Variants in ABAT observed in about 807,000 individuals in gnomAD.
ABAT encodes 4-aminobutyrate aminotransferase.
A neutral mutation model predicts 64.6 loss-of-function variants in ABAT; 45 were observed. The observed-to-expected ratio is 0.70, with a 90% CI of 0.55 to 0.89. ABAT has a LOEUF of 0.89. Ranked by LOEUF, ABAT falls within the 40% of genes least tolerant of loss-of-function variation. ABAT has a pLI of 0.00. For synonymous variants in ABAT, 297 were observed against 250.5 expected, an observed-to-expected ratio of 1.19 and a Z score of -1.75; for missense variants, 633 against 658.4, an observed-to-expected ratio of 0.96 and a Z score of 0.42.
In ABAT at chr16:8,783,301, C is replaced by G. The variant is rs1451455264; in HGVS notation, c.*1871C>G. ...AAAACATTGTCCCTGCCCCCGGGGG[C>G]TCACATGCCACTGGAAACAACAGAC... On this transcript the variant is annotated 3_prime_UTR_variant, in exon 16 of 16. Coordinates refer to ENST00000268251, the MANE Select transcript of ABAT (RefSeq NM_020686.6). 2 of 152,122 alleles carry G rather than the reference C, an allele frequency of 1.3e-5. No individual in the cohort carries two copies. The highest frequency in any genetic ancestry group is 2.9e-5 in the Non-Finnish European group (2 of 68,044). 9.4% of individuals were successfully genotyped at this position (152,122 alleles called of 1,614,324 possible).
intron 5 of ABAT, among the ~76,000 whole-genome samples, chr16:8,753,920 C>G (rs899626122): frequency 3.3e-5 from 5 of 152,088 alleles, no homozygotes; most frequent in Admixed American, 2.6e-4. Flanking sequence ...GTCTTTAATA[C>G]CTGTCTCCAC....
intron 1 of ABAT, among the ~76,000 whole-genome samples, chr16:8,696,040 G>A (rs1443626703): frequency 6.6e-6 from 1 of 152,208 alleles, no homozygotes; most frequent in East Asian, 1.9e-4. Context: ...AAGGCAAGGA[G>A]CTTTCTTAGT....
At chr16:8,753,708 G>GTAAGGTGTACTTTTCAGTCTTGGGGCC (rs2059558034) in intron 5 of ABAT, among the ~76,000 whole-genome samples, 3 of 152,188 alleles carry the variant, frequency 2.0e-5, no homozygotes, top group Admixed American at 6.5e-5. Context: ...CCTTTCTTGA[G>GTAAGGTGTACTTTTCAGTCTTGGGGCC]TAAGGTGTAC....
intron 1 of ABAT, among the ~76,000 whole-genome samples, chr16:8,731,945 C>T (rs1042587982): frequency 1.3e-5 from 2 of 152,074 alleles, no homozygotes; most frequent in African/African-American, 4.8e-5. Flanking sequence ...CCTCTGCCTC[C>T]CGAGTTGAAG....
chr16:8,771,328 C>G (rs76014721), intron 11 of ABAT, among the ~76,000 whole-genome samples: 14,580 of 151,546 alleles, frequency 0.096, 1,185 homozygotes, highest in African/African-American at 0.22. Flanking sequence ...AGAAAAGTAT[C>G]TCAGAGCTTC....
At position 8,781,205 on chromosome 16, in the gene ABAT, GGA is replaced by G; in HGVS notation, c.1382-103_1382-102del. 6.4e-7 allele frequency: 1 copy of G among 1,555,896 alleles called. No individual in the cohort carries two copies. The highest frequency in any genetic ancestry group is 8.8e-7 in the Non-Finnish European group (1 of 1,130,196). ...GATGGAGGATGATGGATGGATGGAT[GGA>G]TGGATGGATGAGCGTTGCCAACAGG... On this transcript the variant is annotated intron_variant, in intron 15 of 15. Coordinates refer to ENST00000268251, the MANE Select transcript of ABAT (RefSeq NM_020686.6). This position sits in a 1 kb window ranked among gnomAD's most constrained non-coding sequence, Gnocchi z 4.5.
intron 4 of ABAT, 125 bp from the exon 5 acceptor site, chr16:8,750,274 AAGAAATACATTGCTGGCACCCAC>A: frequency 1.3e-6 from 1 of 750,768 alleles, no homozygotes; most frequent in Non-Finnish European, 2.4e-6. Flanking sequence ...TAGCCAAAAC[AAGAAATACATTGCTGGCACCCAC>A]AGATGCCTCT....
chr16:8,748,010 A>G (rs1276025249), intron 3 of ABAT, 98 bp from the exon 4 acceptor site: 2 of 1,209,348 alleles, frequency 1.7e-6, no homozygotes, highest in Non-Finnish European at 2.4e-6. Context: ...TATTGGCAAA[A>G]GAAAAAAATG....
chr16:8,724,733 AAAAAAAAAAAAAC>A (rs1234617472), intron 1 of ABAT, among the ~76,000 whole-genome samples: 259 of 4,606 alleles, frequency 0.056, 20 homozygotes, highest in Middle Eastern at 0.5. Context: ...TGTCTCAGGA[AAAAAAAAAAAAAC>A]AAAAAAAAAA....
chr16:8,770,208 G>C (rs9931477), intron 11 of ABAT, among the ~76,000 whole-genome samples: 3,409 of 152,240 alleles, frequency 0.022, 131 homozygotes, highest in African/African-American at 0.078. Flanking sequence ...CGCGATCTCA[G>C]CTCACTGCAA....
In ABAT at chr16:8,750,558, T is replaced by A. The variant is rs1278852788; in HGVS notation, c.316+19T>A. ...CCCATAGGTAAGAGCTGGGAAATCA[T>A]TCCTTGGATATAACCTCTGTTTCTG... On this transcript the variant is annotated intron_variant, in intron 5 of 15. Coordinates refer to ENST00000268251, the MANE Select transcript of ABAT (RefSeq NM_020686.6). The A allele has an allele frequency of 6.2e-6, 10 of 1,602,586 alleles. No individual in the cohort carries two copies. In the East Asian group the frequency reaches 2.2e-4, roughly 36 times the overall value.
chr16:8,743,471 A>G (rs11647644), intron 2 of ABAT, among the ~76,000 whole-genome samples: 1 of 135,564 alleles, frequency 7.4e-6, no homozygotes, highest in Non-Finnish European at 1.6e-5. Context: ...ATATTATATA[A>G]TATATATTTT....
intron 1 of ABAT, among the ~76,000 whole-genome samples, chr16:8,699,810 TTC>T (rs1246914379): frequency 6.7e-6 from 1 of 149,836 alleles, no homozygotes; most frequent in South Asian, 2.1e-4. Context: ...TTCTCTTCTC[TTC>T]TCTCTCTTTC....
chr16:8,678,163 C>A (rs777959315), intron 1 of ABAT, among the ~76,000 whole-genome samples: 16 of 152,168 alleles, frequency 1.1e-4, no homozygotes, highest in Non-Finnish European at 2.2e-4. Flanking sequence ...AGCTGTGGAG[C>A]CTTCCAATAT....
intron 1 of ABAT, among the ~76,000 whole-genome samples, chr16:8,733,844 GAATCTT>G (rs921233839): frequency 8.1e-5 from 12 of 147,890 alleles, no homozygotes; most frequent in African/African-American, 3.2e-4. Context: ...AGAGGGAACT[GAATCTT>G]AATCTACTTT....
intron 14 of ABAT, among the ~76,000 whole-genome samples, chr16:8,778,410 C>A (rs1313504386): frequency 6.6e-6 from 1 of 152,126 alleles, no homozygotes; most frequent in African/African-American, 2.4e-5. Context: ...CTTCACTCTG[C>A]TTCTGGCGTC....
chr16:8,719,218 T>G (rs1292990329), intron 1 of ABAT, among the ~76,000 whole-genome samples: 1 of 152,152 alleles, frequency 6.6e-6, no homozygotes, highest in Non-Finnish European at 1.5e-5. Context: ...ACAAACAGAT[T>G]TTACAAGCCG....
intron 5 of ABAT, among the ~76,000 whole-genome samples, chr16:8,752,378 C>T (rs74008055): frequency 0.021 from 3,249 of 152,246 alleles, 124 homozygotes; most frequent in African/African-American, 0.073. Flanking sequence ...CTGTGACCCA[C>T]CCCCGAGGAC....
chr16:8,722,795 C>T (rs1270412397), intron 1 of ABAT: 1 of 1,288,864 alleles, frequency 7.8e-7, no homozygotes, highest in Non-Finnish European at 1.0e-6. Context: ...TAGCGGATTG[C>T]AAAGGGCCTG....
Sources: allele counts gnomAD v4.1 joint callset (sites outside exome capture counted in the v4.1 genomes callset), GRCh38; gene constraint gnomAD v4.1.1; non-coding constraint Gnocchi (gnomAD v3.1); transcripts MANE v1.5; gene names NCBI Gene and HGNC (gene_info 2026-07-23, HGNC 2026-07-21).